STK32C: variants seen among roughly 807,000 people sequenced by gnomAD.
STK32C encodes the protein serine/threonine kinase 32C, also known as serine/threonine-protein kinase 32C.
Under a neutral mutation model 56.5 loss-of-function variants are expected in STK32C, and 31 were observed. The ratio of observed to expected loss-of-function variants is 0.55; its 90% CI spans 0.41 to 0.74. The LOEUF is 0.74. STK32C is among the 30% of genes least tolerant of loss of function. STK32C has a pLI of 0.00. For synonymous variants in STK32C, 309 were observed against 289.4 expected (o/e 1.07, Z -0.69); for missense variants, 544 against 676.9 (o/e 0.80, Z 2.18).
intron 1 of STK32C, among the ~76,000 whole-genome samples, chr10:132,254,302 T>TC (rs1307165753): frequency 6.6e-6 from 1 of 151,518 alleles, no homozygotes; most frequent in Non-Finnish European, 1.5e-5. Context: ...AGGGCGAAAC[T>TC]CCATCAGGGG....
At chr10:132,275,963 C>T (rs958927913) in intron 1 of STK32C, among the ~76,000 whole-genome samples, 18 of 152,136 alleles carry the variant, frequency 1.2e-4, no homozygotes, top group African/African-American at 4.3e-4. Flanking sequence ...GTGGTGGCTG[C>T]CTTCCACCCT....
chr10:132,262,877 C>T (rs771487663), intron 1 of STK32C, among the ~76,000 whole-genome samples: 9 of 151,936 alleles, frequency 5.9e-5, no homozygotes, highest in Non-Finnish European at 1.2e-4. Context: ...AAATGCAAGT[C>T]AAAGCCACAA....
chr10:132,292,041 G>C (rs1035483862), intron 1 of STK32C, among the ~76,000 whole-genome samples: 1 of 152,120 alleles, frequency 6.6e-6, no homozygotes, highest in Non-Finnish European at 1.5e-5. Flanking sequence ...TTCCCCTGCA[G>C]GGGCCCAAGG....
intron 1 of STK32C, among the ~76,000 whole-genome samples, chr10:132,328,326 C>T (rs1483658281): frequency 6.6e-6 from 1 of 151,738 alleles, no homozygotes; most frequent in East Asian, 1.9e-4. Flanking sequence ...GCCCGAACTG[C>T]CGGAGCGAGA....
intron 1 of STK32C, among the ~76,000 whole-genome samples, chr10:132,331,164 G>A (rs1042468369): frequency 6.2e-5 from 8 of 128,074 alleles, no homozygotes; most frequent in Admixed American, 4.9e-4. Context: ...TCGCGCTACT[G>A]CACTCCAGCC....
chr10:132,222,902 G>A lies in STK32C; in HGVS notation c.1078C>T (p.His360Tyr). The A allele has an allele frequency of 6.4e-7, 1 of 1,570,014 alleles. No homozygotes were observed. The highest frequency in any genetic ancestry group is 1.4e-5 in the African/African-American group (1 of 73,884). Reference protein sequence around the residue: ...APALAGVLWDHLSEKRVEPGF... With the variant: ...APALAGVLWDYLSEKRVEPGF... ...GGCTCCACCCTCTTCTCGCTCAGGT[G>A]GTCCCACAGCACGCCGGCCAGCGCC... Residue 360 changes from histidine to tyrosine, a missense_variant, in exon 9 of 12, where the codon CAC (histidine) becomes TAC (tyrosine). By Grantham distance (83) the His-to-Tyr change is moderately conservative (BLOSUM62 2). This residue lies in a region of STK32C where 277 missense variants were observed against 309.3 expected (regional missense o/e 0.90). Coordinates refer to ENST00000298630, the MANE Select transcript of STK32C (RefSeq NM_173575.4).
At chr10:132,269,271 ATGCACAGGGTGC>A (rs995810905) in intron 1 of STK32C, among the ~76,000 whole-genome samples, 2 of 152,148 alleles carry the variant, frequency 1.3e-5, no homozygotes, top group Non-Finnish European at 2.9e-5. Context: ...ACACGGTGGT[ATGCACAGGGTGC>A]TGCACAGGGT....
At chr10:132,273,303 A>G (rs1442081095) in intron 1 of STK32C, among the ~76,000 whole-genome samples, 1 of 151,996 alleles carries the variant, frequency 6.6e-6, no homozygotes, top group Non-Finnish European at 1.5e-5. Flanking sequence ...GGTCCTGTGA[A>G]CGGGCTCTAA....
At chr10:132,245,993 A>G in intron 1 of STK32C, 38 bp from the exon 2 acceptor site, 1 of 1,601,876 alleles carries the variant, frequency 6.2e-7, no homozygotes, top group Non-Finnish European at 8.5e-7. Flanking sequence ...GTGAGGTGGC[A>G]GCAAGGCCCC....
chr10:132,229,525 C>G (rs1479816884), intron 2 of STK32C, among the ~76,000 whole-genome samples: 14 of 152,250 alleles, frequency 9.2e-5, no homozygotes. Context: ...GATTAACAAC[C>G]TTAATTCAAT....
At chr10:132,226,713 C>A (rs1241461385) in intron 4 of STK32C, 82 bp downstream of exon 4, 2 of 1,528,824 alleles carry the variant, frequency 1.3e-6, no homozygotes, top group Non-Finnish European at 1.8e-6. Flanking sequence ...GGGAGTACGG[C>A]CGCCGTGCCG....
At chr10:132,331,742 T>A (rs1289878892) in exon 1 of STK32C, 1 of 1,611,724 alleles carries the variant, frequency 6.2e-7, no homozygotes, top group Admixed American at 1.7e-5. Flanking sequence ...AGCATCCCGC[T>A]CTCTTCCTTC....
intron 4 of STK32C, among the ~76,000 whole-genome samples, chr10:132,226,111 G>A (rs1005232967): frequency 2.0e-5 from 3 of 152,220 alleles, no homozygotes; most frequent in African/African-American, 4.8e-5. Context: ...CGGCCTCTAG[G>A]AGACCAAGCC....
intron 2 of STK32C, among the ~76,000 whole-genome samples, chr10:132,231,572 G>A (rs911175004): frequency 1.3e-5 from 2 of 152,196 alleles, no homozygotes; most frequent in African/African-American, 2.4e-5. Context: ...CAGCAGGCCC[G>A]AGTGCGTCCC....
Position 132,307,125 on chromosome 10 carries a change from C to G in STK32C, c.262+447G>C, listed in dbSNP as rs1015620907. ...CGCGCGGTCACCAAGGAGACTGAGC[C>G]TCTGAGCGGCCGGGCCCCGCCACCT... is the stretch of plus-strand genomic sequence containing the variant. On this transcript the variant is annotated intron_variant, in intron 1 of 11. Coordinates refer to ENST00000298630, the MANE Select transcript of STK32C (RefSeq NM_173575.4). This position sits in a 1 kb window ranked among gnomAD's most constrained non-coding sequence, Gnocchi z 4.4. 1 of 153,434 alleles carries G rather than the reference C, an allele frequency of 6.5e-6. No individual in the cohort carries two copies. The highest frequency in any genetic ancestry group is 2.4e-5 in the African/African-American group (1 of 41,488). The allele number at this position is 153,434 out of a possible 1,614,324, so 9.5% of individuals were successfully genotyped here. A position where few individuals can be genotyped will look rare whatever the true frequency, so the allele number is the denominator to read the frequency against.
intron 1 of STK32C, among the ~76,000 whole-genome samples, chr10:132,247,139 G>A (rs930833215): frequency 1.2e-4 from 18 of 152,232 alleles, no homozygotes; most frequent in African/African-American, 4.1e-4. Flanking sequence ...CAGCAGGGTA[G>A]GTACTGACCC....
intron 1 of STK32C, among the ~76,000 whole-genome samples, chr10:132,299,833 T>TCAA (rs1340325062): frequency 2.0e-5 from 3 of 152,168 alleles, no homozygotes; most frequent in Admixed American, 6.5e-5. Flanking sequence ...CCGAGCCCTG[T>TCAA]TATTGGGCAC....
At chr10:132,249,073 A>G (rs753101888) in intron 1 of STK32C, 4 of 477,900 alleles carry the variant, frequency 8.4e-6, no homozygotes, top group Non-Finnish European at 1.7e-5. Context: ...CGGCTCCGGC[A>G]GAGGCTCCCA....
At position 132,307,883 on chromosome 10, in the gene STK32C, G is replaced by C. The variant is rs778832907; in HGVS notation, c.-50C>G. Reference sequence around the variant, plus strand: ...GCCGGAACTCGGGGCATGGCCGGCCGGCAGGGCCGGGAGCGGCAGTGGTAG... The same window carrying C: ...GCCGGAACTCGGGGCATGGCCGGCCCGCAGGGCCGGGAGCGGCAGTGGTAG... On this transcript the variant is annotated 5_prime_UTR_variant, in exon 1 of 12. Coordinates refer to ENST00000298630, the MANE Select transcript of STK32C (RefSeq NM_173575.4). The surrounding 1 kb of genome is among the most constrained non-coding windows in gnomAD (Gnocchi z 4.4). 166 of 1,140,110 alleles carry C rather than the reference G, an allele frequency of 1.5e-4. No individual in the cohort carries two copies. The highest frequency in any genetic ancestry group is 1.7e-4 in the Non-Finnish European group (158 of 923,306). 70.6% of individuals were successfully genotyped at this position (1,140,110 alleles called of 1,614,324 possible).
Sources: allele counts gnomAD v4.1 joint callset (sites outside exome capture counted in the v4.1 genomes callset), GRCh38; gene constraint gnomAD v4.1.1; regional missense constraint gnomAD v4.1.1; non-coding constraint Gnocchi (gnomAD v3.1); transcripts MANE v1.5; gene names NCBI Gene and HGNC (gene_info 2026-07-23, HGNC 2026-07-21).